GLIS1: variants seen among roughly 807,000 people sequenced by gnomAD.
The protein encoded by GLIS1 is GLIS family zinc finger 1, also known as zinc finger protein GLIS1.
In GLIS1, 24 loss-of-function variants were observed where a neutral mutation model predicts 63.8. The observed-to-expected ratio is 0.38, with a 90% CI of 0.27 to 0.53. The LOEUF (loss-of-function observed/expected upper bound fraction) is 0.53. Ranked by LOEUF, GLIS1 falls within the 20% of genes least tolerant of loss-of-function variation. GLIS1 has a pLI of 0.85. For missense variants in GLIS1, 1,036 were observed against 1,074.1 expected, an observed-to-expected ratio of 0.96 and a Z score of 0.50; for synonymous variants, 450 against 482.5, an observed-to-expected ratio of 0.93 and a Z score of 0.88.
At chr1:53,721,719 G>T (rs966681998) in intron 2 of GLIS1, among the ~76,000 whole-genome samples, 11 of 152,290 alleles carry the variant, frequency 7.2e-5, no homozygotes, top group African/African-American at 2.6e-4. Flanking sequence ...TTTTTAGAAT[G>T]TTAATAAAAC....
At chr1:53,641,732 G>A (rs746225078) in intron 2 of GLIS1, among the ~76,000 whole-genome samples, 25 of 152,200 alleles carry the variant, frequency 1.6e-4, no homozygotes, top group Non-Finnish European at 2.6e-4. Flanking sequence ...TGGTGGTGGA[G>A]GGTGGTTTCT....
intron 2 of GLIS1, among the ~76,000 whole-genome samples, chr1:53,716,819 A>T (rs1206873983): frequency 2.7e-5 from 4 of 150,632 alleles, no homozygotes; most frequent in African/African-American, 9.7e-5. Context: ...ATTATATTTA[A>T]AAAAAAGTCA....
intron 2 of GLIS1, among the ~76,000 whole-genome samples, chr1:53,643,336 T>C (rs1645807764): frequency 6.6e-6 from 1 of 152,196 alleles, no homozygotes; most frequent in Non-Finnish European, 1.5e-5. Context: ...ATGACTTTGG[T>C]TGGGGGCAGT....
intron 4 of GLIS1, among the ~76,000 whole-genome samples, chr1:53,553,892 T>TG (rs1205719517): frequency 8.6e-5 from 13 of 151,136 alleles, no homozygotes; most frequent in Admixed American, 7.3e-4. Flanking sequence ...TCTGGAGAGG[T>TG]GGGGGTGCTG....
intron 4 of GLIS1, among the ~76,000 whole-genome samples, chr1:53,558,738 G>T (rs1644857470): frequency 2.0e-5 from 3 of 152,194 alleles, no homozygotes; most frequent in Admixed American, 1.3e-4. Context: ...GTGAATGAAT[G>T]AATTAATAAA....
At chr1:53,623,371 A>C (rs1268474842) in intron 2 of GLIS1, among the ~76,000 whole-genome samples, 1 of 152,220 alleles carries the variant, frequency 6.6e-6, no homozygotes, top group Non-Finnish European at 1.5e-5. Context: ...TCAGCATACT[A>C]GAAACAGAAA....
chr1:53,665,211 G>C (rs1438450989), intron 2 of GLIS1, among the ~76,000 whole-genome samples: 5 of 152,152 alleles, frequency 3.3e-5, no homozygotes, highest in Non-Finnish European at 7.3e-5. Flanking sequence ...TCAGGAAAGA[G>C]CAAGATTTGG....
chr1:53,509,469 G>A (rs554063469), intron 9 of GLIS1, among the ~76,000 whole-genome samples, 182 bp from the exon 10 acceptor site: 6 of 152,162 alleles, frequency 3.9e-5, no homozygotes, highest in East Asian at 3.9e-4. Flanking sequence ...TCTCAGCTCC[G>A]CCCTGCAGGG....
At chr1:53,630,462 C>T (rs1357610758) in intron 2 of GLIS1, among the ~76,000 whole-genome samples, 1 of 151,626 alleles carries the variant, frequency 6.6e-6, no homozygotes, top group Non-Finnish European at 1.5e-5. Flanking sequence ...CCAATTTATA[C>T]TCCCACCAGT....
At chr1:53,664,897 G>A (rs888889261) in intron 2 of GLIS1, among the ~76,000 whole-genome samples, 1 of 152,160 alleles carries the variant, frequency 6.6e-6, no homozygotes. Context: ...AAGGCCCTGG[G>A]GCAAGAGCAC....
intron 2 of GLIS1, among the ~76,000 whole-genome samples, chr1:53,669,922 C>T (rs1173390437): frequency 6.6e-6 from 1 of 152,238 alleles, no homozygotes; most frequent in Non-Finnish European, 1.5e-5. Flanking sequence ...CTGACCAGGA[C>T]AGCAGCTTGC....
chr1:53,704,789 C>T (rs1333491842), intron 2 of GLIS1, among the ~76,000 whole-genome samples: 2 of 152,206 alleles, frequency 1.3e-5, no homozygotes, highest in East Asian at 3.9e-4. Flanking sequence ...TCTCCAAGCA[C>T]TGGCTCGTAG....
intron 2 of GLIS1, among the ~76,000 whole-genome samples, chr1:53,736,574 C>T (rs1188287645): frequency 6.6e-6 from 1 of 152,172 alleles, no homozygotes; most frequent in Non-Finnish European, 1.5e-5. Context: ...TGTATTCCAG[C>T]AATAACACTC....
At chr1:53,537,475 C>G (rs970309465) in intron 4 of GLIS1, among the ~76,000 whole-genome samples, 1 of 152,214 alleles carries the variant, frequency 6.6e-6, no homozygotes, top group South Asian at 2.1e-4. Context: ...AATCAAGTCA[C>G]GCAAACAGAG....
intron 7 of GLIS1, among the ~76,000 whole-genome samples, chr1:53,515,909 C>T (rs1005515732): frequency 1.4e-4 from 21 of 151,972 alleles, no homozygotes; most frequent in Admixed American, 1.2e-3. Context: ...CCTCCAGCCT[C>T]GCTCTGGCTT....
chr1:53,696,837 T>C (rs1480765442), intron 2 of GLIS1, among the ~76,000 whole-genome samples: 1 of 152,214 alleles, frequency 6.6e-6, no homozygotes, highest in Non-Finnish European at 1.5e-5. Context: ...CAGGTCATCA[T>C]CCACTCTTGG....
At chr1:53,566,225 T>A (rs542301260) in intron 4 of GLIS1, among the ~76,000 whole-genome samples, 1 of 152,206 alleles carries the variant, frequency 6.6e-6, no homozygotes, top group Non-Finnish European at 1.5e-5. Context: ...AATATCATAC[T>A]GGAAGTCCTA....
intron 4 of GLIS1, among the ~76,000 whole-genome samples, chr1:53,573,444 C>T (rs1007755078): frequency 6.6e-6 from 1 of 152,190 alleles, no homozygotes; most frequent in African/African-American, 2.4e-5. Context: ...TCTGACCACC[C>T]CGGCCTGAAG....
intron 2 of GLIS1, among the ~76,000 whole-genome samples, chr1:53,615,716 TTTTA>T (rs1275813220): frequency 6.8e-6 from 1 of 147,416 alleles, no homozygotes; most frequent in African/African-American, 2.5e-5. Context: ...GATGATATGA[TTTTA>T]TTTATTTATT....
Sources: allele counts gnomAD v4.1 joint callset (sites outside exome capture counted in the v4.1 genomes callset), GRCh38; gene constraint gnomAD v4.1.1; transcripts MANE v1.5; gene names NCBI Gene and HGNC (gene_info 2026-07-23, HGNC 2026-07-21).